Variants in ACAD10 observed in about 807,000 individuals in gnomAD.
The protein encoded by ACAD10 is ACAD-10.
A neutral mutation model predicts 116.8 loss-of-function variants in ACAD10; 112 were observed. The ratio of observed to expected loss-of-function variants is 0.96; its 90% CI spans 0.82 to 1.12. The LOEUF (loss-of-function observed/expected upper bound fraction) is 1.12. ACAD10 is among the 50% of genes most tolerant of loss of function. The pLI, the probability that ACAD10 is intolerant of heterozygous loss-of-function variation, is 0.00. For missense variants in ACAD10, 1,259 were observed against 1,350.2 expected, an observed-to-expected ratio of 0.93 and a Z score of 1.06; for synonymous variants, 486 against 510.6, an observed-to-expected ratio of 0.95 and a Z score of 0.65.
chr12:111,702,825 G>A (rs1888388388), intron 3 of ACAD10, among the ~76,000 whole-genome samples: 1 of 152,144 alleles, frequency 6.6e-6, no homozygotes, highest in Non-Finnish European at 1.5e-5. Flanking sequence ...CAGGCGTGGT[G>A]GCTAACACCT....
chr12:111,698,889 T>A (rs1001941164), intron 2 of ACAD10, among the ~76,000 whole-genome samples: 1 of 152,180 alleles, frequency 6.6e-6, no homozygotes, highest in African/African-American at 2.4e-5. Context: ...TTTTTCTTCC[T>A]TTCTTTTTGA....
chr12:111,700,748 C>CCTTCCTTCCTTCCTTCCTCTT (rs1888326067), intron 2 of ACAD10, among the ~76,000 whole-genome samples: 1 of 89,938 alleles, frequency 1.1e-5, no homozygotes, highest in African/African-American at 4.4e-5. Context: ...CCTTCCTCTT[C>CCTTCCTTCCTTCCTTCCTCTT]TTTTTTTTTT....
rs1889337541 is a variant in ACAD10 at position 111,729,883 on chromosome 12, G to A, written c.1321G>A (p.Glu441Lys). 1 of 1,614,038 alleles carries A rather than the reference G, an allele frequency of 6.2e-7. No homozygotes were observed. Among genetic ancestry groups the A allele is most frequent in the Admixed American group, 1.7e-5 (1 of 59,994 alleles). The change falls in exon 10 of 21, where the codon GAG becomes AAG. Residue 441 changes from glutamate to lysine, a missense_variant. By Grantham distance (56) the Glu-to-Lys change is moderately conservative. Coordinates refer to ENST00000313698, the MANE Select transcript of ACAD10 (RefSeq NM_025247.6). ...ASETSTIPAM[E>K]RLIEWLPLHL... ...CGAAACTAGCACCATCCCAGCCATG[G>A]AGAGGCTGATCGAATGGCTGCCCCT... is the stretch of plus-strand genomic sequence containing the variant.
intron 8 of ACAD10, among the ~76,000 whole-genome samples, chr12:111,723,794 G>A (rs1252875841): frequency 1.3e-5 from 2 of 150,904 alleles, no homozygotes; most frequent in African/African-American, 4.9e-5. Flanking sequence ...CTCAGATGGG[G>A]CGGCTGCCGG....
chr12:111,687,439 A>G (rs188458871), intron 1 of ACAD10, among the ~76,000 whole-genome samples: 1 of 152,224 alleles, frequency 6.6e-6, no homozygotes, highest in African/African-American at 2.4e-5. Flanking sequence ...AGATGTCAGT[A>G]GCACCTCTCC....
chr12:111,753,166 A>G lies in ACAD10; in HGVS notation c.2818-606A>G, dbSNP rs143610494. 145 of 202,268 alleles carry G rather than the reference A, an allele frequency of 7.2e-4. 2 individuals carry two copies. The highest frequency in any genetic ancestry group is 3.2e-3 in the African/African-American group (139 of 42,918). The allele number at this position is 202,268 out of a possible 1,614,324, so 12.5% of individuals were successfully genotyped here. A position where few individuals can be genotyped will look rare whatever the true frequency, so the allele number is the denominator to read the frequency against. ...CTCCAAAAAAATAATAAAAAAAAGA[A>G]GGAAAAAGAATAAATAAAACAAGAA... On this transcript the variant is annotated intron_variant, in intron 18 of 20. Coordinates refer to ENST00000313698, the MANE Select transcript of ACAD10 (RefSeq NM_025247.6).
chr12:111,734,201 A>C, intron 11 of ACAD10, 133 bp downstream of exon 11: 1 of 1,252,748 alleles, frequency 8.0e-7, no homozygotes, highest in Non-Finnish European at 1.1e-6. Context: ...GGTGGGAAAC[A>C]TAACTAGAAT....
At chr12:111,688,574 G>C (rs1430061232) in intron 1 of ACAD10, among the ~76,000 whole-genome samples, 1 of 152,064 alleles carries the variant, frequency 6.6e-6, no homozygotes, top group Non-Finnish European at 1.5e-5. Flanking sequence ...GGCCGAGGCC[G>C]GTGGATCACT....
At chr12:111,750,858 T>C (rs1462924962) in intron 18 of ACAD10, among the ~76,000 whole-genome samples, 1 of 152,244 alleles carries the variant, frequency 6.6e-6, no homozygotes, top group East Asian at 1.9e-4. Context: ...AGAACTGCTA[T>C]TGAAAGAACA....
chr12:111,696,013 CA>C (rs34294669), intron 2 of ACAD10, among the ~76,000 whole-genome samples: 47,238 of 127,006 alleles, frequency 0.37, 11,033 homozygotes, highest in East Asian at 0.89. Flanking sequence ...GACTCTGTCT[CA>C]AAAAAAAAAA....
In ACAD10 at chr12:111,700,134, A is replaced by G. The variant is rs140715573; in HGVS notation, c.188-2028A>G. ...ACTAGGGAGGCTGAGGTGAAGGTTC[A>G]TTTGAGCCCAGGAGTTTGAGGCCAG... is the stretch of plus-strand genomic sequence containing the variant. On this transcript the variant is annotated intron_variant, in intron 2 of 20. Coordinates refer to ENST00000313698, the MANE Select transcript of ACAD10 (RefSeq NM_025247.6). Among the ~76,000 whole-genome samples the G allele has an allele frequency of 4.7e-3, 714 of 150,574 alleles. 10 individuals are homozygous for G. The highest frequency in any genetic ancestry group is 0.017 in the African/African-American group (679 of 40,996).
intron 1 of ACAD10, among the ~76,000 whole-genome samples, chr12:111,686,670 A>G (rs796396321): frequency 3.9e-5 from 6 of 152,236 alleles, no homozygotes; most frequent in African/African-American, 1.2e-4. Context: ...GAGTCGAGAT[A>G]GTGCTAGTGC....
chr12:111,721,519 G>C, intron 7 of ACAD10, 152 bp from the exon 8 acceptor site: 3 of 582,122 alleles, frequency 5.2e-6, no homozygotes, highest in Non-Finnish European at 8.7e-6. Flanking sequence ...AGTGAGCCAA[G>C]ATCGTGCCAC....
Position 111,745,061 on chromosome 12 carries a change from AGGT to A in ACAD10, c.2115+22_2115+24del. The A allele has an allele frequency of 1.9e-6, 3 of 1,605,156 alleles. No individual in the cohort carries two copies. In the South Asian group the frequency reaches 3.3e-5, roughly 18 times the overall value. On this transcript the variant is annotated intron_variant, in intron 13 of 20. Coordinates refer to ENST00000313698, the MANE Select transcript of ACAD10 (RefSeq NM_025247.6). ...ACCTCAAGGTAAAGCAGCCATGGTG[AGGT>A]GGTAAGACCCCAATACCATGGCATA...
At chr12:111,755,872 G>A (rs1443255792) in intron 20 of ACAD10, 127 bp downstream of exon 20, 4 of 973,048 alleles carry the variant, frequency 4.1e-6, no homozygotes, top group Non-Finnish European at 6.5e-6. Context: ...CACCATGCAT[G>A]CAACTTTCCT....
intron 17 of ACAD10, 27 bp downstream of exon 17, chr12:111,748,502 CT>C (rs1222243660): frequency 3.7e-6 from 6 of 1,611,532 alleles, no homozygotes; most frequent in Non-Finnish European, 5.1e-6. Flanking sequence ...CGGGTCACCC[CT>C]GGGTGTGGGT....
chr12:111,687,327 A>C (rs1244471684), intron 1 of ACAD10, among the ~76,000 whole-genome samples: 2 of 152,118 alleles, frequency 1.3e-5, no homozygotes, highest in Admixed American at 6.6e-5. Flanking sequence ...ACTCTGCACT[A>C]TTAACATTTT....
At chr12:111,721,396 C>T (rs1271501178) in intron 7 of ACAD10, among the ~76,000 whole-genome samples, 11 of 152,184 alleles carry the variant, frequency 7.2e-5, no homozygotes, top group African/African-American at 1.9e-4. Context: ...GGTGAAACCG[C>T]GTCTCTACTA....
At chr12:111,688,408 A>T (rs1171701769) in intron 1 of ACAD10, among the ~76,000 whole-genome samples, 2 of 152,186 alleles carry the variant, frequency 1.3e-5, no homozygotes, top group African/African-American at 4.8e-5. Flanking sequence ...CAGATGCCAA[A>T]ATCTGTGGAT....
Sources: gnomAD v4.1 joint callset for allele counts (sites outside exome capture counted in the v4.1 genomes callset) on GRCh38, gnomAD v4.1.1 for gene constraint, MANE v1.5 for transcripts, NCBI Gene and HGNC (gene_info 2026-07-23, HGNC 2026-07-21) for gene names.